The following RTL4 variants were observed in gnomAD, a reference collection of about 807,000 sequenced individuals.
The protein encoded by RTL4 is retrotransposon Gag-like protein 4.
A neutral mutation model predicts 5.3 loss-of-function variants in RTL4; 4 were observed. The observed-to-expected ratio is 0.75, with a 90% CI of 0.37 to 1.72. The LOEUF (loss-of-function observed/expected upper bound fraction) is 1.72. Ranked by LOEUF, RTL4 falls within the 40% of genes most tolerant of loss-of-function variation. The pLI, the probability that RTL4 is intolerant of heterozygous loss-of-function variation, is 0.04. For synonymous variants in RTL4, 98 were observed against 87.3 expected, an observed-to-expected ratio of 1.12 and a Z score of -0.68; for missense variants, 260 against 227.1, an observed-to-expected ratio of 1.14 and a Z score of -0.93.
the RTL4 span, among the ~76,000 whole-genome samples, chrX:112,442,590 A>G: frequency 9.0e-6 from 1 of 110,702 alleles, no homozygotes; most frequent in Non-Finnish European, 1.9e-5. Flanking sequence ...TATTGTATGT[A>G]AAGTATACCA....
At chrX:112,191,428 C>T in the RTL4 span, among the ~76,000 whole-genome samples, 3 of 111,420 alleles carry the variant, frequency 2.7e-5, no homozygotes, top group Non-Finnish European at 5.7e-5. Context: ...TACCACTGCC[C>T]ACAACCACCA....
At chrX:112,087,924 A>G in the RTL4 span, among the ~76,000 whole-genome samples, 1 of 111,075 alleles carries the variant, frequency 9.0e-6, no homozygotes. Flanking sequence ...ATCATCTTAA[A>G]CTATACAATT....
the RTL4 span, among the ~76,000 whole-genome samples, chrX:112,322,757 G>A: frequency 9.0e-6 from 1 of 111,172 alleles, no homozygotes; most frequent in East Asian, 2.8e-4. Context: ...ACATATATAG[G>A]ATTTCATCAT....
At chrX:112,432,109 T>G in the RTL4 span, among the ~76,000 whole-genome samples, 2 of 105,490 alleles carry the variant, frequency 1.9e-5, no homozygotes, top group African/African-American at 6.9e-5. Context: ...ATGTGCCACA[T>G]TTTCTTAATC....
the RTL4 span, among the ~76,000 whole-genome samples, chrX:112,096,759 A>G: frequency 1.8e-5 from 2 of 112,006 alleles, no homozygotes; most frequent in Admixed American, 9.5e-5. Context: ...AAAGGAAGAT[A>G]AGAGGATGAA....
chrX:112,323,238 C>T, the RTL4 span, among the ~76,000 whole-genome samples: 216 of 111,441 alleles, frequency 1.9e-3, no homozygotes, highest in African/African-American at 6.7e-3. Context: ...TTGCATTTTC[C>T]TGACTGCTAG....
At chrX:112,262,279 T>G in the RTL4 span, among the ~76,000 whole-genome samples, 1 of 111,728 alleles carries the variant, frequency 9.0e-6, no homozygotes, top group African/African-American at 3.3e-5. Flanking sequence ...GGAGAAAATT[T>G]TTGCCATCTA....
the RTL4 span, among the ~76,000 whole-genome samples, chrX:112,132,368 C>G: frequency 9.0e-6 from 1 of 111,027 alleles, no homozygotes; most frequent in Non-Finnish European, 1.9e-5. Context: ...TCAGGTCAAT[C>G]AGACAGCTTA....
At chrX:112,445,203 C>T in the RTL4 span, among the ~76,000 whole-genome samples, 1 of 111,649 alleles carries the variant, frequency 9.0e-6, no homozygotes, top group African/African-American at 3.3e-5. Flanking sequence ...GTTTACTTGT[C>T]ACCTACAAAT....
the RTL4 span, among the ~76,000 whole-genome samples, chrX:112,299,061 G>T: frequency 8.9e-6 from 1 of 112,005 alleles, no homozygotes; most frequent in East Asian, 2.8e-4. Flanking sequence ...ATTAAACACT[G>T]GTATTTCAGT....
chrX:112,324,920 T>C, the RTL4 span, among the ~76,000 whole-genome samples: 1 of 111,594 alleles, frequency 9.0e-6, no homozygotes, highest in Non-Finnish European at 1.9e-5. Context: ...ATCTTCTGTC[T>C]AGTGGTTCTA....
At chrX:112,173,116 A>G in the RTL4 span, among the ~76,000 whole-genome samples, 2 of 110,670 alleles carry the variant, frequency 1.8e-5, no homozygotes, top group Non-Finnish European at 3.8e-5. Flanking sequence ...ACGTTTACCT[A>G]TGTAACAAAT....
At chrX:112,336,534 CTA>C in the RTL4 span, among the ~76,000 whole-genome samples, 17 of 112,116 alleles carry the variant, frequency 1.5e-4, no homozygotes, top group African/African-American at 5.2e-4. Flanking sequence ...ACCATAATGC[CTA>C]TGTTTTGCCT....
the RTL4 span, among the ~76,000 whole-genome samples, chrX:112,351,018 C>T: frequency 1.8e-5 from 2 of 111,373 alleles, no homozygotes; most frequent in African/African-American, 6.5e-5. Flanking sequence ...CTATAAATTT[C>T]CCTCTACACA....
chrX:112,353,715 G>C, the RTL4 span, among the ~76,000 whole-genome samples: 1 of 110,178 alleles, frequency 9.1e-6, no homozygotes, highest in Non-Finnish European at 1.9e-5. Context: ...GATAGCATTA[G>C]GAGATATACC....
chrX:112,393,797 G>C, the RTL4 span, among the ~76,000 whole-genome samples: 1 of 111,915 alleles, frequency 8.9e-6, no homozygotes, highest in Non-Finnish European at 1.9e-5. Context: ...GTCTTATCCT[G>C]TGGGGTGTCA....
At chrX:112,449,214 T>G in the RTL4 span, among the ~76,000 whole-genome samples, 4 of 110,052 alleles carry the variant, frequency 3.6e-5, no homozygotes, top group African/African-American at 1.3e-4. Flanking sequence ...AAGAAGAGAG[T>G]GGTGCATACT....
the RTL4 span, among the ~76,000 whole-genome samples, chrX:112,173,022 G>A: frequency 1.9e-5 from 2 of 104,197 alleles, no homozygotes; most frequent in East Asian, 6.7e-4. Context: ...TCGGGGGAGG[G>A]ACATCATCAG....
chrX:112,328,909 C>G, the RTL4 span, among the ~76,000 whole-genome samples: 5 of 112,019 alleles, frequency 4.5e-5, no homozygotes, highest in East Asian at 2.8e-4. Flanking sequence ...TGAATGACTA[C>G]TGGGTACATA....
Sources: allele counts gnomAD v4.1 joint callset (sites outside exome capture counted in the v4.1 genomes callset), GRCh38; gene constraint gnomAD v4.1.1; transcripts MANE v1.5; gene names NCBI Gene and HGNC (gene_info 2026-07-23, HGNC 2026-07-21).